Variants in EXOC4 observed in about 807,000 individuals in gnomAD.
EXOC4 encodes exocyst complex component 4.
In EXOC4, 71 loss-of-function variants were observed where a neutral mutation model predicts 107.2. The ratio of observed to expected loss-of-function variants is 0.66; its 90% CI spans 0.55 to 0.81. The LOEUF (loss-of-function observed/expected upper bound fraction) is 0.81, where lower values mean the gene tolerates loss of function less well. EXOC4 is among the 30% of genes least tolerant of loss of function. EXOC4 has a pLI of 0.00. For synonymous variants in EXOC4, 456 were observed against 441.2 expected (o/e 1.03, Z -0.42); for missense variants, 1,108 against 1,189.6 (o/e 0.93, Z 1.01).
At chr7:133,257,810 C>A (rs115396723) in intron 1 of EXOC4, among the ~76,000 whole-genome samples, 1,571 of 152,282 alleles carry the variant, frequency 0.01, 19 homozygotes, top group African/African-American at 0.037. Flanking sequence ...TTAGAAAATC[C>A]TTTACTGTAG....
chr7:133,675,211 A>C (rs547397957), intron 10 of EXOC4, among the ~76,000 whole-genome samples: 1 of 152,216 alleles, frequency 6.6e-6, no homozygotes, highest in East Asian at 1.9e-4. Flanking sequence ...TTCTCTGTCA[A>C]TTCCATTTGG....
At chr7:133,985,622 T>C (rs755450422) in intron 14 of EXOC4, among the ~76,000 whole-genome samples, 3 of 152,224 alleles carry the variant, frequency 2.0e-5, no homozygotes, top group Non-Finnish European at 4.4e-5. Context: ...ACTCTTAACC[T>C]TCTCTTTGTT....
chr7:133,325,188 T>C (rs1311213935), intron 5 of EXOC4, among the ~76,000 whole-genome samples: 3 of 152,240 alleles, frequency 2.0e-5, no homozygotes, highest in Non-Finnish European at 4.4e-5. Flanking sequence ...TTTCTTTTCA[T>C]TGGAGCATTT....
chr7:133,445,084 G>A (rs746592188), intron 7 of EXOC4, among the ~76,000 whole-genome samples: 1 of 152,100 alleles, frequency 6.6e-6, no homozygotes, highest in Non-Finnish European at 1.5e-5. Flanking sequence ...TATGTGTACT[G>A]ATTGACAAGT....
At chr7:133,407,134 C>T (rs1797239522) in intron 7 of EXOC4, among the ~76,000 whole-genome samples, 1 of 152,128 alleles carries the variant, frequency 6.6e-6, no homozygotes, top group Non-Finnish European at 1.5e-5. Flanking sequence ...CCCCTTTATA[C>T]CTGATCACCC....
chr7:133,954,837 C>G (rs1800777238), intron 14 of EXOC4, among the ~76,000 whole-genome samples: 1 of 152,236 alleles, frequency 6.6e-6, no homozygotes, highest in African/African-American at 2.4e-5. Context: ...GATACACTGG[C>G]TGCAGTGGGA....
At chr7:133,961,532 C>T (rs1330730445) in intron 14 of EXOC4, among the ~76,000 whole-genome samples, 2 of 152,070 alleles carry the variant, frequency 1.3e-5, no homozygotes, top group East Asian at 3.9e-4. Flanking sequence ...AGGTGATCCA[C>T]CGCCTGCCTT....
intron 11 of EXOC4, among the ~76,000 whole-genome samples, chr7:133,882,335 A>G (rs1475464596): frequency 1.3e-5 from 2 of 152,224 alleles, no homozygotes; most frequent in Admixed American, 6.5e-5. Context: ...AGAGCATAGC[A>G]TTAGACCTGC....
chr7:133,316,545 G>T (rs148656369), intron 4 of EXOC4, among the ~76,000 whole-genome samples: 3 of 152,232 alleles, frequency 2.0e-5, no homozygotes, highest in African/African-American at 7.2e-5. Flanking sequence ...TTTGAGATGG[G>T]AATTAATTGG....
chr7:133,476,604 A>G (rs1040558469), intron 8 of EXOC4, among the ~76,000 whole-genome samples: 1 of 152,184 alleles, frequency 6.6e-6, no homozygotes, highest in Non-Finnish European at 1.5e-5. Context: ...TTTGTGATCT[A>G]GCAGAGAGGA....
intron 11 of EXOC4, among the ~76,000 whole-genome samples, chr7:133,858,827 C>G (rs1157696058): frequency 6.6e-6 from 1 of 152,132 alleles, no homozygotes; most frequent in Non-Finnish European, 1.5e-5. Context: ...ATGTTACAGT[C>G]TTAGGTACCT....
intron 13 of EXOC4, among the ~76,000 whole-genome samples, chr7:133,923,731 CTT>C (rs1183548870): frequency 2.0e-5 from 3 of 152,084 alleles, no homozygotes; most frequent in Non-Finnish European, 4.4e-5. Flanking sequence ...TTAATGGTGT[CTT>C]TTACTAAACA....
At chr7:133,839,564 C>T (rs1172029415) in intron 11 of EXOC4, among the ~76,000 whole-genome samples, 1 of 152,108 alleles carries the variant, frequency 6.6e-6, no homozygotes, top group African/African-American at 2.4e-5. Flanking sequence ...GGGAAATGGT[C>T]ATAGGAGTTG....
the EXOC4 span, among the ~76,000 whole-genome samples, chr7:134,077,025 G>A: frequency 6.6e-6 from 1 of 152,000 alleles, no homozygotes; most frequent in Non-Finnish European, 1.5e-5. Context: ...CAGAATTATG[G>A]GAGTTGGCTC....
At chr7:133,749,550 A>G (rs1795746582) in intron 10 of EXOC4, among the ~76,000 whole-genome samples, 2 of 151,888 alleles carry the variant, frequency 1.3e-5, no homozygotes, top group South Asian at 2.1e-4. Flanking sequence ...GCACCACCAC[A>G]CTCAGATAAT....
At chr7:133,916,831 G>A (rs531955848) in intron 12 of EXOC4, among the ~76,000 whole-genome samples, 22 of 152,250 alleles carry the variant, frequency 1.4e-4, no homozygotes, top group African/African-American at 4.8e-4. Context: ...TATTTAGATC[G>A]TTGAAATTAG....
intron 9 of EXOC4, among the ~76,000 whole-genome samples, chr7:133,543,936 T>C (rs1013327603): frequency 6.6e-6 from 1 of 152,178 alleles, no homozygotes; most frequent in Non-Finnish European, 1.5e-5. Flanking sequence ...AGTTTGCCTG[T>C]AAATGAAATT....
intron 10 of EXOC4, among the ~76,000 whole-genome samples, chr7:133,640,003 A>G (rs1053500475): frequency 1.3e-5 from 2 of 152,172 alleles, no homozygotes; most frequent in African/African-American, 4.8e-5. Flanking sequence ...AATTTTAAAA[A>G]TCTTTTAAAA....
At chr7:133,336,836 C>G (rs1795527913) in intron 5 of EXOC4, among the ~76,000 whole-genome samples, 1 of 152,036 alleles carries the variant, frequency 6.6e-6, no homozygotes, top group Admixed American at 6.6e-5. Context: ...CGGGTTCAAG[C>G]AATTCTCCAG....
Sources: gnomAD v4.1 joint callset for allele counts (sites outside exome capture counted in the v4.1 genomes callset) on GRCh38, gnomAD v4.1.1 for gene constraint, MANE v1.5 for transcripts, NCBI Gene and HGNC (gene_info 2026-07-23, HGNC 2026-07-21) for gene names.